The following LRRC4C variants were observed in gnomAD, a reference collection of about 807,000 sequenced individuals.
The protein encoded by LRRC4C is leucine rich repeat containing 4C.
LRRC4C carries 5 observed loss-of-function variants against 33.6 expected under a neutral mutation model. The observed-to-expected ratio is 0.15, with a 90% confidence interval of 0.08 to 0.31. LRRC4C has a LOEUF of 0.31. LRRC4C is among the 10% of genes least tolerant of loss of function. The probability of loss-of-function intolerance (pLI) is 1.00; values close to 1 mark genes in which losing one functional copy is unlikely to be tolerated. For missense variants in LRRC4C, 560 were observed against 796.7 expected (o/e 0.70, Z 3.58); for synonymous variants, 329 against 302.0 (o/e 1.09, Z -0.93).
chr11:41,235,057 CAT>C (rs1356097659), intron 1 of LRRC4C, among the ~76,000 whole-genome samples: 2 of 151,892 alleles, frequency 1.3e-5, no homozygotes, highest in South Asian at 2.1e-4. Flanking sequence ...GTTCTATAAA[CAT>C]GTGGATAAAA....
chr11:41,239,201 A>AGTCCCAGCTACTCG (rs2136530853), intron 1 of LRRC4C, among the ~76,000 whole-genome samples: 2 of 149,884 alleles, frequency 1.3e-5, no homozygotes, highest in East Asian at 4.0e-4. Flanking sequence ...GGACGCCTGT[A>AGTCCCAGCTACTCG]GTCCCAGCTA....
At chr11:40,408,917 C>G (rs1038982943) in intron 3 of LRRC4C, among the ~76,000 whole-genome samples, 1 of 151,862 alleles carries the variant, frequency 6.6e-6, no homozygotes, top group Non-Finnish European at 1.5e-5. Flanking sequence ...ATCTAATATT[C>G]ATATGGGACC....
At chr11:40,436,628 A>T (rs1490189020) in intron 3 of LRRC4C, among the ~76,000 whole-genome samples, 5 of 152,202 alleles carry the variant, frequency 3.3e-5, no homozygotes, top group African/African-American at 1.2e-4. Context: ...CAATAGAGCT[A>T]TTACAGACTG....
rs562785410 is a variant in LRRC4C, at chr11:40,984,893, CTT to C, written c.-495-51172_-495-51171del. ...CACGACAACTCTGTTCTCACTGACA[CTT>C]TTTTTTTTTTTTTTTTTTTTTTTTG... is the stretch of plus-strand genomic sequence containing the variant. On this transcript the variant is annotated intron_variant, in intron 1 of 6. Coordinates refer to ENST00000528697, the MANE Select transcript of LRRC4C (RefSeq NM_001258419.2). Among the ~76,000 whole-genome samples the C allele has an allele frequency of 8.7e-3, 454 of 52,162 alleles. 2 individuals carry two copies. Among genetic ancestry groups the C allele is most frequent in the African/African-American group, 0.025 (401 of 15,752 alleles). 34.2% of individuals were successfully genotyped at this position (52,162 alleles called of 152,430 possible).
At chr11:40,485,478 T>G (rs573261597) in intron 3 of LRRC4C, among the ~76,000 whole-genome samples, 1 of 151,956 alleles carries the variant, frequency 6.6e-6, no homozygotes, top group Non-Finnish European at 1.5e-5. Flanking sequence ...AATATATTAA[T>G]AGTAGAGAAA....
At chr11:40,225,643 G>C in intron 5 of LRRC4C, among the ~76,000 whole-genome samples, 1 of 142,752 alleles carries the variant, frequency 7.0e-6, no homozygotes, top group East Asian at 2.1e-4. Context: ...TTGAGACAGA[G>C]TCTCGCTCTG....
intron 1 of LRRC4C, among the ~76,000 whole-genome samples, chr11:41,033,082 T>C (rs1856822117): frequency 6.6e-6 from 1 of 151,992 alleles, no homozygotes; most frequent in Non-Finnish European, 1.5e-5. Context: ...CTGTCTCCAA[T>C]CACAACCTCA....
intron 1 of LRRC4C, among the ~76,000 whole-genome samples, chr11:41,197,935 T>C (rs980795247): frequency 6.6e-6 from 1 of 151,940 alleles, no homozygotes; most frequent in African/African-American, 2.4e-5. Context: ...AATTCACCAC[T>C]ACCTCCTCGT....
At chr11:40,130,353 T>G (rs1246992597) in intron 6 of LRRC4C, among the ~76,000 whole-genome samples, 1 of 152,164 alleles carries the variant, frequency 6.6e-6, no homozygotes, top group Non-Finnish European at 1.5e-5. Context: ...TTTTTCTTCC[T>G]GTTTTTTTTC....
intron 1 of LRRC4C, among the ~76,000 whole-genome samples, chr11:41,022,216 A>C (rs553656251): frequency 6.7e-6 from 1 of 150,182 alleles, no homozygotes; most frequent in African/African-American, 2.4e-5. Flanking sequence ...AGAACATATA[A>C]GTGTATATAT....
intron 1 of LRRC4C, among the ~76,000 whole-genome samples, chr11:41,192,351 T>A (rs1393978751): frequency 6.7e-6 from 1 of 150,176 alleles, no homozygotes; most frequent in African/African-American, 2.5e-5. Context: ...TGTGTGTGTG[T>A]GTTCAGTACT....
At chr11:41,064,720 TACCCAG>T (rs1156720168) in intron 1 of LRRC4C, among the ~76,000 whole-genome samples, 1 of 152,072 alleles carries the variant, frequency 6.6e-6, no homozygotes, top group Non-Finnish European at 1.5e-5. Context: ...CCAACTGGGG[TACCCAG>T]TGGATCTCAC....
At chr11:41,255,981 A>T (rs1421246985) in intron 1 of LRRC4C, among the ~76,000 whole-genome samples, 1 of 152,038 alleles carries the variant, frequency 6.6e-6, no homozygotes, top group African/African-American at 2.4e-5. Context: ...TCATTTTAGG[A>T]AAAACAAAAG....
In LRRC4C at chr11:40,116,044, G is replaced by A; in HGVS notation, c.249C>T (p.Leu83=). ...TGATGATCTGGATTTGGTTCTCATG[G>A]AGGTTCAGCAGCCGTGTGTTGGTGG... ...GISTNTRLLN[L]HENQIQIIKV... is the part of the protein sequence containing the mutation. Residue 83 remains leucine (L), a synonymous_variant, in exon 7 of 7, where the codon CTC becomes CTT. Transcript: ENST00000528697. The A allele has an allele frequency of 3.7e-6, 6 of 1,614,102 alleles. No individual in the cohort carries two copies. Among genetic ancestry groups the A allele is most frequent in the Non-Finnish European group, 5.1e-6 (6 of 1,180,018 alleles).
In LRRC4C at chr11:40,470,615, A is replaced by G. The variant is rs571291760; in HGVS notation, c.-269-150894T>C. On this transcript the variant is annotated intron_variant, in intron 3 of 6. Coordinates refer to ENST00000528697, the MANE Select transcript of LRRC4C (RefSeq NM_001258419.2). ...AGTTAAAGGAGCATGTTCTAACCCA[A>G]TGCAAGGAAGCTAAGAACCTTGATA... 3.9e-5 allele frequency among the ~76,000 whole-genome samples: 6 copies of G among 152,292 alleles called. No individual in the cohort carries two copies. The East Asian group carries it at 1.2e-3, about 29-fold the overall frequency.
intron 1 of LRRC4C, among the ~76,000 whole-genome samples, chr11:41,439,577 A>C (rs1955547128): frequency 6.6e-6 from 1 of 152,158 alleles, no homozygotes; most frequent in Non-Finnish European, 1.5e-5. Flanking sequence ...TGACTAGTGG[A>C]AGATGGTATT....
intron 1 of LRRC4C, among the ~76,000 whole-genome samples, chr11:41,247,452 T>C (rs181761476): frequency 6.6e-6 from 1 of 152,360 alleles, no homozygotes; most frequent in East Asian, 1.9e-4. Flanking sequence ...ATGCTTTTTA[T>C]AGTCCAAGCC....
chr11:40,726,119 A>G (rs974902864), intron 2 of LRRC4C, among the ~76,000 whole-genome samples: 3 of 151,968 alleles, frequency 2.0e-5, no homozygotes, highest in African/African-American at 4.8e-5. Flanking sequence ...GAAAAGACCA[A>G]TAGTGAGTTC....
chr11:40,174,538 G>A (rs536299934), intron 5 of LRRC4C, among the ~76,000 whole-genome samples: 16 of 152,276 alleles, frequency 1.1e-4, no homozygotes, highest in Non-Finnish European at 2.2e-4. Flanking sequence ...TCTCAGTACC[G>A]TGTGTGCACC....
Sources: gnomAD v4.1 joint callset for allele counts (sites outside exome capture counted in the v4.1 genomes callset) on GRCh38, gnomAD v4.1.1 for gene constraint, MANE v1.5 for transcripts, NCBI Gene and HGNC (gene_info 2026-07-23, HGNC 2026-07-21) for gene names.